The following TLE6 variants were observed in gnomAD, a reference collection of about 807,000 sequenced individuals.
TLE6 encodes transducin-like enhancer protein 6.
Under a neutral mutation model 77.1 loss-of-function variants are expected in TLE6, and 72 were observed. The ratio of observed to expected loss-of-function variants is 0.93; its 90% CI spans 0.77 to 1.14. The LOEUF is 1.14. Among genes scored for constraint, TLE6 ranks in the 50% most tolerant of loss-of-function variants. TLE6 has a pLI of 0.00. For synonymous variants in TLE6, 366 were observed against 287.3 expected, an observed-to-expected ratio of 1.27 and a Z score of -2.77; for missense variants, 843 against 747.6, an observed-to-expected ratio of 1.13 and a Z score of -1.49.
intron 16 of TLE6, among the ~76,000 whole-genome samples, chr19:2,994,698 G>A (rs932618211): frequency 5.9e-5 from 9 of 152,138 alleles, no homozygotes; most frequent in Non-Finnish European, 1.2e-4. Context: ...CAGCTACTTG[G>A]GAGGCTGAGG....
At chr19:2,977,542 G>A (rs1420382757), upstream of TLE6, 2 of 152,484 alleles carry the variant, frequency 1.3e-5, no homozygotes, top group East Asian at 1.9e-4. Context: ...TGGGTCAAAT[G>A]GCCCCCGGTG....
rs760419747 is a variant in TLE6 at position 2,987,155 on chromosome 19, G to A, written c.458G>A (p.Trp153Ter). The A allele has an allele frequency of 1.9e-6, 3 of 1,614,076 alleles. No homozygotes were observed. The East Asian group carries it at 6.7e-5, about 36-fold the overall frequency. Residue 153 changes from tryptophan (W) to a stop codon, truncating the protein, a stop_gained, in exon 7 of 17, where the codon TGG becomes TAG. Coordinates refer to ENST00000246112, the MANE Select transcript of TLE6 (RefSeq NM_001143986.2). LOFTEE classifies it high-confidence loss of function. ...CAGCTGTTCTGGGACAAGGAGCCTT[G>A]GTTTTGGCACGACACTCTGACCGAG... is the stretch of plus-strand genomic sequence containing the variant. ...ETQLFWDKEP[W>*]FWHDTLTEQL...
chr19:2,980,099 G>C lies in TLE6; in HGVS notation c.52-1G>C. On this transcript the variant is annotated splice_acceptor_variant, in intron 2 of 16. Coordinates refer to ENST00000246112, the MANE Select transcript of TLE6 (RefSeq NM_001143986.2). LOFTEE classifies it high-confidence loss of function. ...ATGTAACCTTGCTTTGACCTTTCCAGCCTTGTCCTGGGATCTCGAACTCTG... is the reference window on the plus strand; with the variant it reads ...ATGTAACCTTGCTTTGACCTTTCCACCCTTGTCCTGGGATCTCGAACTCTG... 6.5e-7 allele frequency: 1 copy of C among 1,550,114 alleles called. No individual in the cohort carries two copies. Among genetic ancestry groups the C allele is most frequent in the Non-Finnish European group, 8.7e-7 (1 of 1,145,990 alleles).
At chr19:2,981,469 G>T in intron 3 of TLE6, 69 bp from the exon 4 acceptor site, 1 of 1,514,320 alleles carries the variant, frequency 6.6e-7, no homozygotes, top group Admixed American at 2.0e-5. Context: ...AGGGGTTGAG[G>T]GTGGGGCTCA....
In TLE6 at chr19:2,990,916, G is replaced by C. The variant is rs371732996; in HGVS notation, c.1245-927G>C. Among the ~76,000 whole-genome samples, 3 of 150,856 alleles carry C rather than the reference G, an allele frequency of 2.0e-5. No individual in the cohort carries two copies. In the South Asian group the frequency reaches 6.3e-4, roughly 31 times the overall value. On this transcript the variant is annotated intron_variant, in intron 13 of 16. Coordinates refer to ENST00000246112, the MANE Select transcript of TLE6 (RefSeq NM_001143986.2). ...CCCCGGAGGCTGAGGCAGGAGAATCGCTTGAGAAGCGGAGTTTGTGGTGAG... is the reference window on the plus strand; with the variant it reads ...CCCCGGAGGCTGAGGCAGGAGAATCCCTTGAGAAGCGGAGTTTGTGGTGAG...
intron 4 of TLE6, 30 bp downstream of exon 4, chr19:2,981,613 G>A: frequency 6.4e-7 from 1 of 1,550,948 alleles, no homozygotes; most frequent in Non-Finnish European, 8.7e-7. Context: ...CCCCAACCAA[G>A]GAGGGCCCCA....
At position 2,985,947 on chromosome 19, in the gene TLE6, C is replaced by T. The variant is rs565570202; in HGVS notation, c.223-882C>T. On this transcript the variant is annotated intron_variant, in intron 5 of 16. Transcript: ENST00000246112. Reference sequence around the variant, plus strand: ...AAAAATCAGTCTGTGTAGTGGCACACGCCTGTAATCCAGCTACTTGGGAGG... The same window carrying T: ...AAAAATCAGTCTGTGTAGTGGCACATGCCTGTAATCCAGCTACTTGGGAGG... 3.3e-5 allele frequency among the ~76,000 whole-genome samples: 5 copies of T among 150,240 alleles called. No homozygotes were observed. In the South Asian group the frequency reaches 6.4e-4, roughly 19 times the overall value.
At chr19:2,981,708 C>G in intron 4 of TLE6, 125 bp downstream of exon 4, 2 of 1,039,592 alleles carry the variant, frequency 1.9e-6, no homozygotes, top group Admixed American at 2.1e-5. Context: ...CTGTGCCTCA[C>G]GCCTGTAATC....
intron 13 of TLE6, among the ~76,000 whole-genome samples, chr19:2,991,389 T>C (rs1489683265): frequency 0.15 from 16,617 of 113,062 alleles, 2,953 homozygotes; most frequent in African/African-American, 0.48. Flanking sequence ...TATATATATA[T>C]ATATATACAC....
intron 14 of TLE6, among the ~76,000 whole-genome samples, chr19:2,992,903 T>C (rs947123881): frequency 6.7e-6 from 1 of 149,542 alleles, no homozygotes; most frequent in African/African-American, 2.5e-5. Flanking sequence ...AAATATTCTT[T>C]GCAGGCCGGG....
rs2088952596 is a variant in TLE6 at position 2,987,905 on chromosome 19, G to A, written c.633G>A (p.Arg211=). ...CTCTTGTCTCCCCACTAGCCCCCAG[G>A]CCACCTGAGGCCTCCTCCAGTCCCC... ...DPCPEDASTP[R]PPEASSSPPE... The change falls in exon 10 of 17, where the codon AGG becomes AGA. Residue 211 remains arginine, a synonymous_variant. Coordinates refer to ENST00000246112, the MANE Select transcript of TLE6 (RefSeq NM_001143986.2). 1.2e-6 allele frequency: 2 copies of A among 1,609,168 alleles called. No homozygotes were observed. Among genetic ancestry groups the A allele is most frequent in the African/African-American group, 2.7e-5 (2 of 74,814 alleles).
intron 13 of TLE6, among the ~76,000 whole-genome samples, chr19:2,991,421 C>CACAT (rs2089059709): frequency 7.1e-6 from 1 of 141,016 alleles, no homozygotes; most frequent in Non-Finnish European, 1.6e-5. Context: ...CACACACACA[C>CACAT]ACACATATAT....
intron 4 of TLE6, 99 bp from the exon 5 acceptor site, chr19:2,982,048 TG>T: frequency 1.6e-6 from 2 of 1,237,810 alleles, no homozygotes; most frequent in Non-Finnish European, 2.3e-6. Context: ...AAATTTAAGG[TG>T]GGGGAGTAGG....
intron 8 of TLE6, 64 bp downstream of exon 8, chr19:2,987,436 C>T (rs780988950): frequency 5.0e-6 from 8 of 1,603,986 alleles, no homozygotes; most frequent in Non-Finnish European, 6.8e-6. Flanking sequence ...TGGGCTCCCC[C>T]AGGTCAGGGC....
chr19:2,989,478 C>T, intron 12 of TLE6, 57 bp from the exon 13 acceptor site: 2 of 1,579,746 alleles, frequency 1.3e-6, no homozygotes, highest in Non-Finnish European at 1.7e-6. Context: ...TGAGGCAAAG[C>T]AGTCCAGGCA....
intron 5 of TLE6, among the ~76,000 whole-genome samples, chr19:2,985,471 G>A (rs1165649910): frequency 2.3e-5 from 3 of 128,840 alleles, no homozygotes; most frequent in Non-Finnish European, 4.7e-5. Context: ...GCATCATCTC[G>A]CATCTGGGCT....
rs547939247 is a variant in TLE6, at chr19:2,979,044, C to T, written c.51+760C>T. 5.9e-5 allele frequency among the ~76,000 whole-genome samples: 9 copies of T among 152,244 alleles called. No homozygotes were observed. In the South Asian group the frequency reaches 1.0e-3, roughly 18 times the overall value. ...TCAGCTCACTGCAACCTCTGCCTCC[C>T]GGGTTCAAGTGATTCTCCTGCCTCG... On this transcript the variant is annotated intron_variant, in intron 2 of 16. Coordinates refer to ENST00000246112, the MANE Select transcript of TLE6 (RefSeq NM_001143986.2).
intron 5 of TLE6, among the ~76,000 whole-genome samples, chr19:2,984,846 G>A (rs1190012544): frequency 6.6e-6 from 1 of 152,098 alleles, no homozygotes; most frequent in Non-Finnish European, 1.5e-5. Flanking sequence ...AATTCTACTT[G>A]TACTGGATGG....
Position 2,982,158 on chromosome 19 carries a change from T to G in TLE6, c.191T>G (p.Ile64Ser). 1 of 1,551,256 alleles carries G rather than the reference T, an allele frequency of 6.4e-7. No individual in the cohort carries two copies. Among genetic ancestry groups the G allele is most frequent in the Non-Finnish European group, 8.7e-7 (1 of 1,146,912 alleles). ...LESIYYSLHK[I>S]QQDVAEHHKQ... is the part of the protein sequence containing the mutation. ...GTTTTCCCTTTGCAGCTGCACAAGATCCAGCAGGATGTGGCAGAACATCAC... is the reference window on the plus strand; with the variant it reads ...GTTTTCCCTTTGCAGCTGCACAAGAGCCAGCAGGATGTGGCAGAACATCAC... The change falls in exon 5 of 17, where the codon ATC becomes AGC. Residue 64 changes from isoleucine (I) to serine (S), a missense_variant. Ile to Ser is a moderately radical substitution (Grantham distance 142). Transcript: ENST00000246112.
Sources: gnomAD v4.1 joint callset for allele counts (sites outside exome capture counted in the v4.1 genomes callset) on GRCh38, gnomAD v4.1.1 for gene constraint, MANE v1.5 for transcripts, NCBI Gene and HGNC (gene_info 2026-07-23, HGNC 2026-07-21) for gene names.